The following SLC24A5 variants were observed in gnomAD, a reference collection of about 807,000 sequenced individuals.
The protein encoded by SLC24A5 is solute carrier family 24 member 5, also known as sodium/potassium/calcium exchanger 5.
In SLC24A5, 46 loss-of-function variants were observed where a neutral mutation model predicts 51.6. The observed-to-expected ratio is 0.89, with a 90% CI of 0.70 to 1.14. The LOEUF (loss-of-function observed/expected upper bound fraction) is 1.14, where lower values mean the gene tolerates loss of function less well. SLC24A5 is among the 50% of genes most tolerant of loss of function. The pLI is 0.00. For synonymous variants in SLC24A5, 230 were observed against 214.9 expected, an observed-to-expected ratio of 1.07 and a Z score of -0.62; for missense variants, 581 against 604.1, an observed-to-expected ratio of 0.96 and a Z score of 0.40.
chr15:48,128,280 A>G (rs2038752538), intron 2 of SLC24A5, among the ~76,000 whole-genome samples: 2 of 152,140 alleles, frequency 1.3e-5, no homozygotes. Flanking sequence ...ACTTTAAAAA[A>G]AAATTTACAC....
In SLC24A5 at chr15:48,134,261, T is replaced by G; in HGVS notation, c.305T>G (p.Leu102Arg). Reference sequence around the variant, plus strand: ...CAATCATTTCATTTATGTTCAGCCCTTGGATTGTCTCAGGATGTTGCAGGC... The same window carrying G: ...CAATCATTTCATTTATGTTCAGCCCGTGGATTGTCTCAGGATGTTGCAGGC... ...LPSLEIISES[L>R]GLSQDVAGTT... Residue 102 changes from leucine to arginine, a missense_variant, in exon 3 of 9, where the codon CTT becomes CGT. Physicochemically the swap from Leu to Arg is moderately radical, Grantham distance 102. Coordinates refer to ENST00000341459, the MANE Select transcript of SLC24A5 (RefSeq NM_205850.3). The G allele has an allele frequency of 1.2e-6, 2 of 1,613,408 alleles. No homozygotes were observed. Among genetic ancestry groups the G allele is most frequent in the Non-Finnish European group, 1.7e-6 (2 of 1,179,480 alleles).
In SLC24A5 at chr15:48,138,978, G is replaced by A; in HGVS notation, c.881G>A (p.Ser294Asn). The A allele has an allele frequency of 6.2e-7, 1 of 1,611,518 alleles. No homozygotes were observed. The highest frequency in any genetic ancestry group is 8.5e-7 in the Non-Finnish European group (1 of 1,178,664). The change falls in exon 7 of 9, where the codon AGT (serine) becomes AAT (asparagine). Residue 294 changes from serine to asparagine, a missense_variant. Coordinates refer to ENST00000341459, the MANE Select transcript of SLC24A5 (RefSeq NM_205850.3). Reference sequence around the variant, plus strand: ...ACTTTTTCCACAACAGATCCACCAAGTGTTTTCAACATGCCTGAAGCAGAC... The same window carrying A: ...ACTTTTTCCACAACAGATCCACCAAATGTTTTCAACATGCCTGAAGCAGAC... ...GLSQVSEDPP[S>N]VFNMPEADLK...
chr15:48,133,510 A>G (rs2038820092), intron 2 of SLC24A5, among the ~76,000 whole-genome samples: 1 of 152,172 alleles, frequency 6.6e-6, no homozygotes, highest in Non-Finnish European at 1.5e-5. Flanking sequence ...GATAGAAACA[A>G]ACTGTAGTAT....
At chr15:48,125,268 T>TG in intron 2 of SLC24A5, among the ~76,000 whole-genome samples, 1 of 149,410 alleles carries the variant, frequency 6.7e-6, no homozygotes, top group Non-Finnish European at 1.5e-5. Flanking sequence ...TAATAATATA[T>TG]GGTTTATATA....
At chr15:48,130,480 G>A (rs564054157) in intron 2 of SLC24A5, among the ~76,000 whole-genome samples, 93 of 152,154 alleles carry the variant, frequency 6.1e-4, no homozygotes, top group African/African-American at 2.2e-3. Flanking sequence ...TGCCTTTTGG[G>A]ACTGAAACTT....
At chr15:48,127,528 T>C (rs1044263738) in intron 2 of SLC24A5, among the ~76,000 whole-genome samples, 1 of 152,240 alleles carries the variant, frequency 6.6e-6, no homozygotes, top group Non-Finnish European at 1.5e-5. Context: ...CTCTGGAATA[T>C]TCTGTTTAGG....
intron 4 of SLC24A5, 169 bp downstream of exon 4, chr15:48,134,707 G>T (rs1044051334): frequency 5.6e-6 from 4 of 714,678 alleles, no homozygotes; most frequent in Non-Finnish European, 9.1e-6. Context: ...AATAGCTCTT[G>T]GTCAGATTTA....
chr15:48,128,300 A>G (rs1412255230), intron 2 of SLC24A5, among the ~76,000 whole-genome samples: 2 of 152,146 alleles, frequency 1.3e-5, no homozygotes, highest in Non-Finnish European at 2.9e-5. Flanking sequence ...CTAATATACC[A>G]TTCAATTAGA....
At chr15:48,135,665 C>G (rs1567225472) in intron 5 of SLC24A5, 1 of 151,134 alleles carries the variant, frequency 6.6e-6, no homozygotes, top group Admixed American at 6.6e-5. Context: ...CACAGCTACA[C>G]AGGTTATATA....
chr15:48,129,020 G>A (rs976353658), intron 2 of SLC24A5, among the ~76,000 whole-genome samples: 1 of 152,102 alleles, frequency 6.6e-6, no homozygotes, highest in African/African-American at 2.4e-5. Flanking sequence ...GTTAGGTTTG[G>A]AGGTAAAGTG....
chr15:48,121,679 A>G (rs528396950), intron 1 of SLC24A5, among the ~76,000 whole-genome samples, 178 bp from the exon 2 acceptor site: 57 of 152,276 alleles, frequency 3.7e-4, no homozygotes, highest in African/African-American at 1.4e-3. Flanking sequence ...GTCCCCCAAA[A>G]AAATTTTTTG....
chr15:48,142,085 T>G lies in SLC24A5; in HGVS notation c.1237T>G (p.Cys413Gly). Residue 413 changes from cysteine (C) to glycine (G), a missense_variant, in exon 9 of 9, where the codon TGC (cysteine) becomes GGC (glycine). Physicochemically the swap from Cys to Gly is radical, Grantham distance 159. Transcript: ENST00000341459. ...IVGSNVFDMLCLGIPWFIKTA... is the reference protein window; with the variant it reads ...IVGSNVFDMLGLGIPWFIKTA... ...GGGATCCAATGTGTTTGATATGTTG[T>G]GCCTTGGTATTCCATGGTTTATTAA... The G allele has an allele frequency of 6.2e-7, 1 of 1,613,928 alleles. No individual in the cohort carries two copies. Among genetic ancestry groups the G allele is most frequent in the Non-Finnish European group, 8.5e-7 (1 of 1,179,900 alleles).
At chr15:48,129,578 T>C (rs2038768296) in intron 2 of SLC24A5, among the ~76,000 whole-genome samples, 1 of 152,074 alleles carries the variant, frequency 6.6e-6, no homozygotes, top group African/African-American at 2.4e-5. Context: ...ATATAGCCTA[T>C]GGCTGTAACT....
At chr15:48,132,434 GC>G (rs1433265592) in intron 2 of SLC24A5, among the ~76,000 whole-genome samples, 1 of 152,100 alleles carries the variant, frequency 6.6e-6, no homozygotes, top group Non-Finnish European at 1.5e-5. Context: ...CTCTGTGAGA[GC>G]AGGAATATTT....
In SLC24A5 at chr15:48,140,303, C is replaced by A. The variant is rs567723224; in HGVS notation, c.1079-810C>A. On this transcript the variant is annotated intron_variant, in intron 7 of 8. Transcript: ENST00000341459. ...CAGTAACAGAAATTAACAACCAATTCCAATTCCAATATCAATGTATAAGCA... is the reference window on the plus strand; with the variant it reads ...CAGTAACAGAAATTAACAACCAATTACAATTCCAATATCAATGTATAAGCA... The A allele has an allele frequency of 2.0e-5, 3 of 151,964 alleles. No individual in the cohort carries two copies. The South Asian group carries it at 6.2e-4, about 32-fold the overall frequency. The allele number at this position is 151,964 out of a possible 1,614,324, so 9.4% of individuals were successfully genotyped here.
In SLC24A5 at chr15:48,139,080, A is replaced by C. The variant is rs755827525; in HGVS notation, c.983A>C (p.Lys328Thr). ...CTAACCACACCAGATTGTAGAAAAA[A>C]GTTTTGGAAAAACTACTTTGTGATA... ...LFLTTPDCRK[K>T]FWKNYFVITF... Residue 328 changes from lysine to threonine, a missense_variant, in exon 7 of 9, where the codon AAG (lysine) becomes ACG (threonine). Transcript: ENST00000341459. The C allele has an allele frequency of 6.2e-7, 1 of 1,613,146 alleles. No homozygotes were observed. Among genetic ancestry groups the C allele is most frequent in the Non-Finnish European group, 8.5e-7 (1 of 1,179,324 alleles).
chr15:48,127,964 A>G (rs1369898614), intron 2 of SLC24A5, among the ~76,000 whole-genome samples: 2 of 151,210 alleles, frequency 1.3e-5, no homozygotes, highest in East Asian at 1.9e-4. Flanking sequence ...TTAAATTTAA[A>G]TAATTTAAAT....
intron 2 of SLC24A5, among the ~76,000 whole-genome samples, chr15:48,131,935 A>C (rs938709823): frequency 6.6e-6 from 1 of 152,158 alleles, no homozygotes; most frequent in Non-Finnish European, 1.5e-5. Context: ...CTCTCAGACC[A>C]AATTACCCCA....
chr15:48,134,771 T>C (rs2038855050), intron 4 of SLC24A5, 113 bp from the exon 5 acceptor site: 2 of 894,854 alleles, frequency 2.2e-6, no homozygotes. Flanking sequence ...CTAAGCAATA[T>C]GCAAAAGATA....
Sources: gnomAD v4.1 joint callset for allele counts (sites outside exome capture counted in the v4.1 genomes callset) on GRCh38, gnomAD v4.1.1 for gene constraint, MANE v1.5 for transcripts, NCBI Gene and HGNC (gene_info 2026-07-23, HGNC 2026-07-21) for gene names.